C2CD2: variants seen among roughly 807,000 people sequenced by gnomAD.
C2CD2 encodes the protein C2 calcium dependent domain containing 2.
Under a neutral mutation model 74.3 loss-of-function variants are expected in C2CD2, and 43 were observed. The ratio of observed to expected loss-of-function variants is 0.58; its 90% confidence interval spans 0.45 to 0.75. The LOEUF (loss-of-function observed/expected upper bound fraction) is 0.75, where lower values mean the gene tolerates loss of function less well. C2CD2 is among the 30% of genes least tolerant of loss of function. The pLI is 0.00. For missense variants in C2CD2, 801 were observed against 916.3 expected (o/e 0.87, Z 1.63); for synonymous variants, 422 against 390.7 (o/e 1.08, Z -0.94).
At chr21:41,906,512 C>T (rs1613974) in intron 10 of C2CD2, among the ~76,000 whole-genome samples, 31,431 of 151,976 alleles carry the variant, frequency 0.21, 5,607 homozygotes, top group African/African-American at 0.48. Context: ...ACTCCACGCA[C>T]GTGCCACCAC....
intron 2 of C2CD2, among the ~76,000 whole-genome samples, chr21:41,931,146 C>T (rs1381822676): frequency 1.3e-5 from 2 of 150,418 alleles, no homozygotes; most frequent in African/African-American, 2.4e-5. Context: ...GAGAGAGCCC[C>T]GGAGAAAAGT....
chr21:41,951,116 G>A (rs983959216), intron 1 of C2CD2, among the ~76,000 whole-genome samples: 2 of 152,246 alleles, frequency 1.3e-5, no homozygotes, highest in African/African-American at 2.4e-5. Flanking sequence ...TCACAACAGC[G>A]ATGGCCCAGG....
chr21:41,927,043 T>C (rs1418878353), intron 2 of C2CD2, among the ~76,000 whole-genome samples: 1 of 152,226 alleles, frequency 6.6e-6, no homozygotes, highest in African/African-American at 2.4e-5. Context: ...AAAATACTAT[T>C]TCTACTCTGG....
At chr21:41,925,616 G>A (rs1003478504) in intron 2 of C2CD2, among the ~76,000 whole-genome samples, 4 of 152,184 alleles carry the variant, frequency 2.6e-5, no homozygotes, top group Admixed American at 6.5e-5. Context: ...CCAAATGGAC[G>A]GGGACAAAAT....
At chr21:41,946,372 G>A (rs906736303) in intron 1 of C2CD2, among the ~76,000 whole-genome samples, 10 of 152,218 alleles carry the variant, frequency 6.6e-5, no homozygotes, top group African/African-American at 1.9e-4. Flanking sequence ...ACTGGATCAC[G>A]GTGCGGGGAG....
At chr21:41,938,331 T>C (rs2065326093) in intron 2 of C2CD2, among the ~76,000 whole-genome samples, 1 of 152,240 alleles carries the variant, frequency 6.6e-6, no homozygotes, top group African/African-American at 2.4e-5. Flanking sequence ...TAAACAAAGC[T>C]TGTATGTGAA....
intron 4 of C2CD2, 42 bp downstream of exon 4, chr21:41,918,814 T>C: frequency 1.4e-6 from 2 of 1,474,848 alleles, no homozygotes; most frequent in Non-Finnish European, 1.9e-6. Flanking sequence ...CACACGTGCG[T>C]TCTCACGCCA....
intron 1 of C2CD2, among the ~76,000 whole-genome samples, chr21:41,952,746 G>A (rs748984207): frequency 3.9e-5 from 6 of 152,294 alleles, no homozygotes; most frequent in Middle Eastern, 3.4e-3. Context: ...TGTGGCACTG[G>A]GCAGGCTGCT....
intron 6 of C2CD2, among the ~76,000 whole-genome samples, chr21:41,914,095 G>T (rs571478720): frequency 6.6e-6 from 1 of 152,062 alleles, no homozygotes; most frequent in East Asian, 1.9e-4. Flanking sequence ...GCGTGGTGGT[G>T]CACGCCTGTA....
chr21:41,900,494 A>G (rs2146148396), intron 12 of C2CD2, among the ~76,000 whole-genome samples: 1 of 152,216 alleles, frequency 6.6e-6, no homozygotes, highest in Non-Finnish European at 1.5e-5. Context: ...TGGGCCCCGG[A>G]CTTCCAGAGA....
intron 2 of C2CD2, among the ~76,000 whole-genome samples, chr21:41,932,158 A>G (rs1210665177): frequency 6.7e-6 from 1 of 149,484 alleles, no homozygotes; most frequent in Non-Finnish European, 1.5e-5. Context: ...CTAGCGAATG[A>G]ATCCTCCATA....
intron 11 of C2CD2, 85 bp from the exon 12 acceptor site, chr21:41,901,834 T>G: frequency 8.3e-7 from 1 of 1,208,746 alleles, no homozygotes. Context: ...AAATGGTCGA[T>G]AAGCAATGGT....
chr21:41,929,043 A>G lies in C2CD2; in HGVS notation c.379-6958T>C, dbSNP rs2065241256. 6.6e-6 allele frequency among the ~76,000 whole-genome samples: 1 copy of G among 151,958 alleles called. No individual in the cohort carries two copies. On this transcript the variant is annotated intron_variant, in intron 2 of 13. Transcript: ENST00000380486. The surrounding 1 kb of genome is among the most constrained non-coding windows in gnomAD (Gnocchi z 4.6). ...GGCAAGAGGATCACTTGAGTCCATGAGTTTAAAATGAGCCTGGGCAATATA... is the reference window on the plus strand; with the variant it reads ...GGCAAGAGGATCACTTGAGTCCATGGGTTTAAAATGAGCCTGGGCAATATA...
rs1386273004 is a variant in C2CD2, at chr21:41,914,532, A to C, written c.844+66T>G. On this transcript the variant is annotated intron_variant, in intron 6 of 13. Transcript: ENST00000380486. ...CACCAGAGAATCCAAGGCCCCCCGG[A>C]GCCCCCGACTCTGCTCAGGGGCTGG... 3 of 1,469,254 alleles carry C rather than the reference A, an allele frequency of 2.0e-6. No homozygotes were observed. In the Admixed American group the frequency reaches 6.3e-5, roughly 31 times the overall value. The allele number at this position is 1,469,254 out of a possible 1,614,324, so 91.0% of individuals were successfully genotyped here.
At position 41,892,122 on chromosome 21, in the gene C2CD2, G is replaced by C. The variant is rs2064762539; in HGVS notation, c.1871-2778C>G. On this transcript the variant is annotated intron_variant, in intron 13 of 13. Coordinates refer to ENST00000380486, the MANE Select transcript of C2CD2 (RefSeq NM_015500.2). The surrounding 1 kb of genome is among the most constrained non-coding windows in gnomAD (Gnocchi z 4.6). ...GGGTGGCCCGTGATCCAATATGCCTGCTGTCCTTATCAAAAGGGGAAATTT... is the reference window on the plus strand; with the variant it reads ...GGGTGGCCCGTGATCCAATATGCCTCCTGTCCTTATCAAAAGGGGAAATTT... Among the ~76,000 whole-genome samples the C allele has an allele frequency of 6.6e-6, 1 of 152,196 alleles. No individual in the cohort carries two copies. Among genetic ancestry groups the C allele is most frequent in the Admixed American group, 6.5e-5 (1 of 15,282 alleles).
intron 2 of C2CD2, 76 bp downstream of exon 2, chr21:41,942,071 A>G (rs2065358860): frequency 1.3e-6 from 2 of 1,528,534 alleles, no homozygotes; most frequent in Admixed American, 4.1e-5. Flanking sequence ...ATTTTCAATG[A>G]TTCTAAACAA....
chr21:41,912,405 C>A lies in C2CD2; in HGVS notation c.880G>T (p.Asp294Tyr). 1 of 1,612,594 alleles carries A rather than the reference C, an allele frequency of 6.2e-7. No homozygotes were observed. The change falls in exon 7 of 14, where the codon GAT (aspartate) becomes TAT (tyrosine). Residue 294 changes from aspartate to tyrosine, a missense_variant. Asp to Tyr is a radical substitution (Grantham distance 160, BLOSUM62 -3). Coordinates refer to ENST00000380486, the MANE Select transcript of C2CD2 (RefSeq NM_015500.2). ...INAVCVVQLNDPVQRFSSTLT... is the reference protein window; with the variant it reads ...INAVCVVQLNYPVQRFSSTLT... ...GTGCTGGAGAACCTCTGAACAGGAT[C>A]GTTCAGCTGCACGACGCACACTGCA...
At chr21:41,931,315 C>T (rs951965302) in intron 2 of C2CD2, among the ~76,000 whole-genome samples, 1 of 150,374 alleles carries the variant, frequency 6.7e-6, no homozygotes, top group African/African-American at 2.4e-5. Flanking sequence ...CCCTGCAGGG[C>T]CTGCTGCCTG....
chr21:41,914,610 G>A lies in C2CD2; in HGVS notation c.832C>T (p.Pro278Ser). Residue 278 changes from proline (P) to serine (S), a missense_variant, in exon 6 of 14, where the codon CCC becomes TCC. Transcript: ENST00000380486. ...CATCGTCACCCACCTGAGGCACCGGGCTCGCTGAGCAGCAAGACGTGGATG... is the reference window on the plus strand; with the variant it reads ...CATCGTCACCCACCTGAGGCACCGGACTCGCTGAGCAGCAAGACGTGGATG... ...RNIHVLLLSE[P>S]GASGHINAVC... 1 of 1,613,490 alleles carries A rather than the reference G, an allele frequency of 6.2e-7. No individual in the cohort carries two copies. Among genetic ancestry groups the A allele is most frequent in the Middle Eastern group, 1.7e-4 (1 of 6,006 alleles).
Sources: allele counts gnomAD v4.1 joint callset (sites outside exome capture counted in the v4.1 genomes callset), GRCh38; gene constraint gnomAD v4.1.1; non-coding constraint Gnocchi (gnomAD v3.1); transcripts MANE v1.5; gene names NCBI Gene and HGNC (gene_info 2026-07-23, HGNC 2026-07-21).